Variants in VPS39 observed in about 807,000 individuals in gnomAD.
The protein encoded by VPS39 is vam6/Vps39-like protein.
VPS39 carries 70 observed loss-of-function variants against 121.0 expected under a neutral mutation model. The observed-to-expected ratio is 0.58, with a 90% CI of 0.48 to 0.71. VPS39 has a LOEUF of 0.71. Ranked by LOEUF, VPS39 falls within the 30% of genes least tolerant of loss-of-function variation. The probability of loss-of-function intolerance (pLI) is 0.00; values close to 1 mark genes in which losing one functional copy is unlikely to be tolerated. For synonymous variants in VPS39, 378 were observed against 398.1 expected, an observed-to-expected ratio of 0.95 and a Z score of 0.60; for missense variants, 818 against 1,051.5, an observed-to-expected ratio of 0.78 and a Z score of 3.07.
At chr15:42,188,380 AT>A (rs2049748527) in intron 5 of VPS39, among the ~76,000 whole-genome samples, 1 of 152,242 alleles carries the variant, frequency 6.6e-6, no homozygotes, top group Non-Finnish European at 1.5e-5. Flanking sequence ...GAATAAAAGA[AT>A]GATAAATTGG....
At chr15:42,180,310 C>G (rs965615659) in intron 8 of VPS39, among the ~76,000 whole-genome samples, 3 of 152,134 alleles carry the variant, frequency 2.0e-5, no homozygotes, top group African/African-American at 7.2e-5. Flanking sequence ...ATCCATGACC[C>G]CAAATTTACC....
At position 42,165,107 on chromosome 15, in the gene VPS39, T is replaced by C; in HGVS notation, c.1786A>G (p.Ile596Val). The C allele has an allele frequency of 6.2e-7, 1 of 1,614,198 alleles. No individual in the cohort carries two copies. Among genetic ancestry groups the C allele is most frequent in the Non-Finnish European group, 8.5e-7 (1 of 1,180,018 alleles). ...CCTGTCTCCTCCCAAACATGGATGATGTGTTCCTGAGGCAAGATGTAGGTC... is the reference window on the plus strand; with the variant it reads ...CCTGTCTCCTCCCAAACATGGATGACGTGTTCCTGAGGCAAGATGTAGGTC... ...KGLAIPYLEHIIHVWEETGSR... is the reference protein window; with the variant it reads ...KGLAIPYLEHVIHVWEETGSR... The change falls in exon 18 of 25, where the codon ATC (isoleucine) becomes GTC (valine). Residue 596 changes from isoleucine (I) to valine (V), a missense_variant. By Grantham distance (29) the Ile-to-Val change is conservative. Transcript: ENST00000318006.
chr15:42,190,949 G>A (rs977568984), intron 4 of VPS39, among the ~76,000 whole-genome samples, 176 bp downstream of exon 4: 2 of 152,228 alleles, frequency 1.3e-5, no homozygotes, highest in African/African-American at 2.4e-5. Context: ...TTGGAGAGAA[G>A]AGTTCGAGTC....
At chr15:42,204,471 G>A (rs1323868512) in intron 1 of VPS39, among the ~76,000 whole-genome samples, 5 of 152,078 alleles carry the variant, frequency 3.3e-5, no homozygotes, top group Non-Finnish European at 4.4e-5. Flanking sequence ...CCAACATGAC[G>A]AAACCCCGTC....
At chr15:42,166,513 G>A (rs1188421876) in intron 15 of VPS39, 50 bp downstream of exon 15, 2 of 1,592,602 alleles carry the variant, frequency 1.3e-6, no homozygotes, top group East Asian at 2.2e-5. Flanking sequence ...AGGGAGACCA[G>A]GTCATTTGAA....
At chr15:42,205,480 G>A (rs2050149202) in intron 1 of VPS39, among the ~76,000 whole-genome samples, 2 of 152,316 alleles carry the variant, frequency 1.3e-5, no homozygotes, top group South Asian at 4.1e-4. Flanking sequence ...AAGGCCCTGA[G>A]GTGGGTATGT....
At position 42,191,565 on chromosome 15, in the gene VPS39, G is replaced by A. The variant is rs1172992654; in HGVS notation, c.140-5C>T. The A allele has an allele frequency of 6.2e-7, 1 of 1,612,924 alleles. No homozygotes were observed. On this transcript the variant is annotated splice_polypyrimidine_tract_variant and splice_region_variant and intron_variant, in intron 2 of 24. Coordinates refer to ENST00000318006, the MANE Select transcript of VPS39 (RefSeq NM_015289.5). ...TCACTTCAAATCTGTTGCAACCTAT[G>A]GAAAACAAATAAACACTGGTAGTTC...
At chr15:42,161,524 C>T (rs762015015) in intron 24 of VPS39, 158 bp downstream of exon 24, 59 of 790,712 alleles carry the variant, frequency 7.5e-5, no homozygotes, top group South Asian at 6.3e-4. Flanking sequence ...ACAGATAGAA[C>T]AGGCTGCTCT....
intron 2 of VPS39, among the ~76,000 whole-genome samples, chr15:42,195,616 G>T (rs1385819608): frequency 6.6e-6 from 1 of 152,162 alleles, no homozygotes; most frequent in Admixed American, 6.5e-5. Context: ...ACTTACAAGG[G>T]ATGTGAAGAA....
intron 20 of VPS39, 24 bp downstream of exon 20, chr15:42,163,602 G>T (rs2049183051): frequency 1.2e-6 from 2 of 1,600,518 alleles, no homozygotes; most frequent in Non-Finnish European, 1.7e-6. Flanking sequence ...CTGCTTAGGA[G>T]GTGGGATGTT....
chr15:42,195,555 T>C (rs2049919841), intron 2 of VPS39, among the ~76,000 whole-genome samples: 1 of 152,092 alleles, frequency 6.6e-6, no homozygotes, highest in Admixed American at 6.5e-5. Flanking sequence ...AAATCATGAG[T>C]GAACTCCCAT....
intron 8 of VPS39, among the ~76,000 whole-genome samples, chr15:42,180,939 C>T (rs1054225060): frequency 1.3e-5 from 2 of 151,978 alleles, no homozygotes; most frequent in African/African-American, 4.8e-5. Context: ...ATGGTGCGGC[C>T]GCTATGGAAA....
Position 42,197,203 on chromosome 15 carries a change from C to T in VPS39, c.139+2693G>A, listed in dbSNP as rs140196763. On this transcript the variant is annotated intron_variant, in intron 2 of 24. Transcript: ENST00000318006. ...GGGTGGGGGGAGGGGGGAGGGAAAGCATTAGGAGATATACCTAACGTAAAT... is the reference window on the plus strand; with the variant it reads ...GGGTGGGGGGAGGGGGGAGGGAAAGTATTAGGAGATATACCTAACGTAAAT... Among the ~76,000 whole-genome samples the T allele has an allele frequency of 5.8e-3, 869 of 149,490 alleles. 13 individuals are homozygous for T. The highest frequency in any genetic ancestry group is 0.019 in the African/African-American group (784 of 40,516).
At chr15:42,207,775 G>C (rs939257588) in intron 1 of VPS39, among the ~76,000 whole-genome samples, 2 of 152,156 alleles carry the variant, frequency 1.3e-5, no homozygotes, top group African/African-American at 4.8e-5. Context: ...GTCTTCGTGG[G>C]AATCAAAATG....
At chr15:42,206,853 C>T (rs1401168651) in intron 1 of VPS39, among the ~76,000 whole-genome samples, 1 of 152,204 alleles carries the variant, frequency 6.6e-6, no homozygotes, top group Non-Finnish European at 1.5e-5. Flanking sequence ...GGAATTAATC[C>T]TTTCATGCAG....
intron 1 of VPS39, among the ~76,000 whole-genome samples, chr15:42,203,523 C>T (rs2050109161): frequency 6.6e-6 from 1 of 150,914 alleles, no homozygotes; most frequent in African/African-American, 2.4e-5. Context: ...CCTGTAATCC[C>T]AGGTACTAGG....
At chr15:42,192,154 T>G in intron 2 of VPS39, 2 of 1,525,684 alleles carry the variant, frequency 1.3e-6, no homozygotes, top group Non-Finnish European at 1.8e-6. Flanking sequence ...GAATTCAGCC[T>G]TGCTGGGGAT....
intron 18 of VPS39, chr15:42,164,765 AC>A: frequency 7.0e-7 from 1 of 1,426,600 alleles, no homozygotes; most frequent in Non-Finnish European, 9.1e-7. Flanking sequence ...TGTTCCTTCC[AC>A]CCTCCCCGAG....
chr15:42,191,064 A>G, intron 4 of VPS39, 61 bp downstream of exon 4: 1 of 1,560,638 alleles, frequency 6.4e-7, no homozygotes, highest in Non-Finnish European at 8.8e-7. Flanking sequence ...CCATGAAAGG[A>G]TTAATTAGGT....
Sources: gnomAD v4.1 joint callset for allele counts (sites outside exome capture counted in the v4.1 genomes callset) on GRCh38, gnomAD v4.1.1 for gene constraint, MANE v1.5 for transcripts, NCBI Gene and HGNC (gene_info 2026-07-23, HGNC 2026-07-21) for gene names.